The following SMU1 variants were observed in gnomAD, a reference collection of about 807,000 sequenced individuals.
SMU1 encodes the protein WD40 repeat-containing protein SMU1.
A neutral mutation model predicts 62.0 loss-of-function variants in SMU1; 2 were observed. The observed-to-expected ratio is 0.03, with a 90% CI of 0.01 to 0.10. SMU1 has a LOEUF of 0.10. SMU1 is among the 10% of genes least tolerant of loss of function. The pLI is 1.00. For missense variants in SMU1, 227 were observed against 622.1 expected (o/e 0.36, Z 6.76); for synonymous variants, 188 against 212.4 (o/e 0.89, Z 1.00).
At chr9:33,064,745 T>C (rs1462019672) in intron 4 of SMU1, among the ~76,000 whole-genome samples, 10 of 150,962 alleles carry the variant, frequency 6.6e-5, no homozygotes, top group Non-Finnish European at 1.0e-4. Context: ...ATTTTTTCTT[T>C]TTTTTTTTTT....
rs1325056794 is a variant in SMU1, at chr9:33,044,305, G to T, written c.*2988C>A. On this transcript the variant is annotated 3_prime_UTR_variant, in exon 12 of 12. Transcript: ENST00000397149. The stretch of plus-strand genomic sequence containing the variant: ...CACCGGCCCTTAAGACGATGTGACC[G>T]CCAATTTTGTAACAGTGACGTCACC... 6.6e-6 allele frequency: 1 copy of T among 152,432 alleles called. No homozygotes were observed. The highest frequency in any genetic ancestry group is 6.5e-5 in the Admixed American group (1 of 15,286). The allele number at this position is 152,432 out of a possible 1,614,324, so 9.4% of individuals were successfully genotyped here.
chr9:33,068,426 A>G (rs1050771122), intron 4 of SMU1, among the ~76,000 whole-genome samples: 2 of 152,190 alleles, frequency 1.3e-5, no homozygotes, highest in African/African-American at 4.8e-5. Context: ...GTAGTCCCCA[A>G]TTCTTAGGGT....
At chr9:33,065,483 G>A (rs1839409514) in intron 4 of SMU1, among the ~76,000 whole-genome samples, 1 of 152,156 alleles carries the variant, frequency 6.6e-6, no homozygotes, top group African/African-American at 2.4e-5. Flanking sequence ...CAAAGAGAAT[G>A]GGAGAACAGC....
chr9:33,057,789 C>T (rs1839318760), intron 6 of SMU1, 75 bp from the exon 7 acceptor site: 1 of 1,588,748 alleles, frequency 6.3e-7, no homozygotes, highest in East Asian at 2.2e-5. Context: ...CTCACAAAAA[C>T]CAGGGGCAAT....
chr9:33,065,448 T>TA (rs1159871073), intron 4 of SMU1, among the ~76,000 whole-genome samples: 8 of 151,866 alleles, frequency 5.3e-5, no homozygotes, highest in Non-Finnish European at 8.8e-5. Flanking sequence ...AATTAAGGAA[T>TA]AAAAAAGATA....
intron 10 of SMU1, among the ~76,000 whole-genome samples, chr9:33,050,675 A>G (rs1839234026): frequency 6.6e-6 from 1 of 151,714 alleles, no homozygotes; most frequent in Admixed American, 6.6e-5. Context: ...AAAATACAAA[A>G]ATTAGCAGGG....
intron 1 of SMU1, among the ~76,000 whole-genome samples, chr9:33,075,996 C>T (rs1444073092): frequency 6.6e-6 from 1 of 152,132 alleles, no homozygotes; most frequent in Non-Finnish European, 1.5e-5. Flanking sequence ...TTCATTCATT[C>T]CAAAAGCTAG....
In SMU1 at chr9:33,048,387, T is replaced by C. The variant is rs1178369090; in HGVS notation, c.1291-129A>G. 2.7e-6 allele frequency: 3 copies of C among 1,119,256 alleles called. No individual in the cohort carries two copies. In the African/African-American group the frequency reaches 4.7e-5, roughly 17 times the overall value. The allele number at this position is 1,119,256 out of a possible 1,614,324, so 69.3% of individuals were successfully genotyped here. Reference sequence around the variant, plus strand: ...GTTTACTATCATTTGTAATTAGATCTCCAGTCCTGTTCATCATGTGCTAAC... The same window carrying C: ...GTTTACTATCATTTGTAATTAGATCCCCAGTCCTGTTCATCATGTGCTAAC... On this transcript the variant is annotated intron_variant, in intron 10 of 11. Transcript: ENST00000397149.
intron 4 of SMU1, among the ~76,000 whole-genome samples, chr9:33,064,858 T>C (rs924113982): frequency 5.9e-5 from 9 of 152,134 alleles, no homozygotes; most frequent in African/African-American, 2.2e-4. Flanking sequence ...TTCTTCTGCC[T>C]CAGCCTCCCA....
rs1013248075 is a variant in SMU1 at position 33,056,824 on chromosome 9, G to A, written c.995+13C>T. On this transcript the variant is annotated intron_variant, in intron 8 of 11. Coordinates refer to ENST00000397149, the MANE Select transcript of SMU1 (RefSeq NM_018225.3). ...CAAACTCAAGTGAGAGCAGTTTTGGGATTTTTACTTACCTAATTGTCTGGT... is the reference window on the plus strand; with the variant it reads ...CAAACTCAAGTGAGAGCAGTTTTGGAATTTTTACTTACCTAATTGTCTGGT... The A allele has an allele frequency of 6.2e-7, 1 of 1,609,412 alleles. No homozygotes were observed.
At chr9:33,059,331 C>T (rs1839336586) in intron 6 of SMU1, among the ~76,000 whole-genome samples, 1 of 151,762 alleles carries the variant, frequency 6.6e-6, no homozygotes, top group South Asian at 2.1e-4. Flanking sequence ...CCTGGCTGGC[C>T]CAAGGAAGGC....
intron 10 of SMU1, among the ~76,000 whole-genome samples, chr9:33,049,025 G>A (rs557771304): frequency 6.6e-6 from 1 of 152,292 alleles, no homozygotes; most frequent in Admixed American, 6.5e-5. Flanking sequence ...GACTCAATAT[G>A]GTAAAGATGT....
Position 33,047,427 on chromosome 9 carries a change from A to G in SMU1, c.1444-36T>C, listed in dbSNP as rs118001053. 4.0e-3 allele frequency: 6,327 copies of G among 1,565,672 alleles called. 22 individuals carry two copies. The highest frequency in any genetic ancestry group is 0.013 in the Middle Eastern group (80 of 5,974). On this transcript the variant is annotated intron_variant, in intron 11 of 11. Coordinates refer to ENST00000397149, the MANE Select transcript of SMU1 (RefSeq NM_018225.3). ...TAAAGCACAGGGTTAGGATGTACAGATCTGCAATAAATCACTCTGATGAGG... is the reference window on the plus strand; with the variant it reads ...TAAAGCACAGGGTTAGGATGTACAGGTCTGCAATAAATCACTCTGATGAGG...
In SMU1 at chr9:33,042,329, ATG is replaced by A. The variant is rs1165617624; in HGVS notation, c.*4962_*4963del. On this transcript the variant is annotated 3_prime_UTR_variant, in exon 12 of 12. Transcript: ENST00000397149. ...GCAGCCATATTTAATTCTCAGAACAATGTAATGAGGGAGAGCCTATGAAAAAA... is the reference window on the plus strand; with the variant it reads ...GCAGCCATATTTAATTCTCAGAACAATAATGAGGGAGAGCCTATGAAAAAA... 3 of 152,794 alleles carry A rather than the reference ATG, an allele frequency of 2.0e-5. No homozygotes were observed. Among genetic ancestry groups the A allele is most frequent in the Admixed American group, 1.3e-4 (2 of 15,280 alleles). 9.5% of individuals were successfully genotyped at this position (152,794 alleles called of 1,614,324 possible). A position where few individuals can be genotyped will look rare whatever the true frequency, so the allele number is the denominator to read the frequency against.
intron 4 of SMU1, among the ~76,000 whole-genome samples, chr9:33,066,093 C>T (rs1281802741): frequency 2.0e-5 from 3 of 152,144 alleles, no homozygotes; most frequent in African/African-American, 7.2e-5. Context: ...ATCCTATCAT[C>T]CCAGGCTGAA....
At chr9:33,059,625 G>C (rs1373225126) in intron 6 of SMU1, among the ~76,000 whole-genome samples, 3 of 147,184 alleles carry the variant, frequency 2.0e-5, no homozygotes, top group South Asian at 2.2e-4. Flanking sequence ...TTTCCCCCGA[G>C]ATGGAGTTTC....
At chr9:33,068,717 C>A in intron 4 of SMU1, 107 bp downstream of exon 4, 1 of 1,289,436 alleles carries the variant, frequency 7.8e-7, no homozygotes, top group South Asian at 1.4e-5. Flanking sequence ...GTTGCTTAGG[C>A]TGGTCTCCAA....
intron 4 of SMU1, among the ~76,000 whole-genome samples, chr9:33,068,070 G>T (rs1367117960): frequency 6.6e-6 from 1 of 152,126 alleles, no homozygotes; most frequent in African/African-American, 2.4e-5. Context: ...AAGTGTTTAT[G>T]AACATTATTT....
intron 1 of SMU1, 149 bp downstream of exon 1, chr9:33,076,434 G>A: frequency 1.0e-6 from 1 of 961,962 alleles, no homozygotes; most frequent in Non-Finnish European, 1.6e-6. Flanking sequence ...CACCTCCGAG[G>A]TAGCGAGATC....
Sources: gnomAD v4.1 joint callset for allele counts (sites outside exome capture counted in the v4.1 genomes callset) on GRCh38, gnomAD v4.1.1 for gene constraint, MANE v1.5 for transcripts, NCBI Gene and HGNC (gene_info 2026-07-23, HGNC 2026-07-21) for gene names.